SND1: variants seen among roughly 807,000 people sequenced by gnomAD.
SND1 encodes the protein staphylococcal nuclease domain-containing protein 1.
A neutral mutation model predicts 121.7 loss-of-function variants in SND1; 38 were observed. The ratio of observed to expected loss-of-function variants is 0.31; its 90% CI spans 0.24 to 0.41. SND1 has a LOEUF of 0.41. Among genes scored for constraint, SND1 ranks in the 10% least tolerant of loss-of-function variants. SND1 has a pLI of 1.00. For synonymous variants in SND1, 401 were observed against 447.4 expected, an observed-to-expected ratio of 0.90 and a Z score of 1.31; for missense variants, 868 against 1,184.6, an observed-to-expected ratio of 0.73 and a Z score of 3.92.
In SND1 at chr7:127,944,391, C is replaced by T. The variant is rs566595878; in HGVS notation, c.1669+15062C>T. On this transcript the variant is annotated intron_variant, in intron 15 of 23. Transcript: ENST00000354725. ...TGGCACTTGCCTGGTGATGAATGAC[C>T]GAGTCTGTGCAAAGGGACTCTGTAT... 1.1e-4 allele frequency among the ~76,000 whole-genome samples: 16 copies of T among 152,258 alleles called. No individual in the cohort carries two copies. In the South Asian group the frequency reaches 3.3e-3, roughly 32 times the overall value.
chr7:127,864,153 C>A (rs1220472969), intron 12 of SND1, among the ~76,000 whole-genome samples: 2 of 151,014 alleles, frequency 1.3e-5, no homozygotes, highest in Admixed American at 1.3e-4. Flanking sequence ...TAAGAAACTT[C>A]TCCCATTTTT....
At chr7:127,784,315 G>A (rs950566050) in intron 10 of SND1, among the ~76,000 whole-genome samples, 1 of 152,126 alleles carries the variant, frequency 6.6e-6, no homozygotes, top group African/African-American at 2.4e-5. Flanking sequence ...AACAAAGCGA[G>A]GCCCTTGCTA....
chr7:127,787,658 C>T (rs936402735), intron 10 of SND1, among the ~76,000 whole-genome samples: 4 of 152,216 alleles, frequency 2.6e-5, no homozygotes, highest in African/African-American at 9.6e-5. Context: ...CCTTTTCCTT[C>T]TCTCTCTGTT....
chr7:127,833,592 G>A (rs1392047794), intron 11 of SND1, among the ~76,000 whole-genome samples: 1 of 152,106 alleles, frequency 6.6e-6, no homozygotes, highest in Non-Finnish European at 1.5e-5. Context: ...GTAACCAGTA[G>A]ATTCAGGAGT....
chr7:127,779,397 A>G (rs1469707540), intron 10 of SND1, among the ~76,000 whole-genome samples: 1 of 152,158 alleles, frequency 6.6e-6, no homozygotes, highest in Non-Finnish European at 1.5e-5. Context: ...AGTTATATGT[A>G]TGGCTGCTAC....
chr7:128,017,380 GC>G (rs1240958412), intron 16 of SND1, among the ~76,000 whole-genome samples: 1 of 152,202 alleles, frequency 6.6e-6, no homozygotes, highest in Non-Finnish European at 1.5e-5. Context: ...ACATGAGGGG[GC>G]TACGTAAGTA....
Position 127,887,985 on chromosome 7 carries a change from A to T in SND1, c.1427A>T (p.Tyr476Phe), listed in dbSNP as rs542618933. 1 of 1,611,868 alleles carries T rather than the reference A, an allele frequency of 6.2e-7. No individual in the cohort carries two copies. The highest frequency in any genetic ancestry group is 1.1e-5 in the South Asian group (1 of 91,024). Residue 476 changes from tyrosine to phenylalanine, a missense_variant, in exon 13 of 24, where the codon TAC becomes TTC. Coordinates refer to ENST00000354725, the MANE Select transcript of SND1 (RefSeq NM_014390.4). The stretch of plus-strand genomic sequence containing the variant: ...GATGATGACCAGAGATCATCACACT[A>T]CGATGAACTGCTTGCTGCAGAGGCC... Reference protein sequence around the residue: ...RQDDDQRSSHYDELLAAEARA... With the variant: ...RQDDDQRSSHFDELLAAEARA...
chr7:127,669,365 A>T (rs1795475151), intron 1 of SND1, among the ~76,000 whole-genome samples: 1 of 152,206 alleles, frequency 6.6e-6, no homozygotes, highest in South Asian at 2.1e-4. Flanking sequence ...ACTCATTTCT[A>T]ACCACTCAAT....
intron 16 of SND1, among the ~76,000 whole-genome samples, chr7:128,045,911 A>G (rs950121601): frequency 1.3e-5 from 2 of 152,202 alleles, no homozygotes; most frequent in South Asian, 2.1e-4. Flanking sequence ...CCTTTTTAAA[A>G]GTTTAAAAAG....
chr7:127,908,110 T>C (rs137871809), intron 14 of SND1, among the ~76,000 whole-genome samples: 45 of 152,212 alleles, frequency 3.0e-4, no homozygotes, highest in African/African-American at 1.0e-3. Flanking sequence ...CATCTGCATA[T>C]AACACCAACT....
At chr7:127,940,762 G>T (rs1034826888) in intron 15 of SND1, among the ~76,000 whole-genome samples, 6 of 152,220 alleles carry the variant, frequency 3.9e-5, no homozygotes, top group Non-Finnish European at 7.3e-5. Context: ...AGATGGGCTG[G>T]ATCTGTTAGA....
intron 16 of SND1, among the ~76,000 whole-genome samples, chr7:128,009,050 G>A (rs1440025989): frequency 6.6e-6 from 1 of 152,164 alleles, no homozygotes; most frequent in Non-Finnish European, 1.5e-5. Context: ...TTTTTATGGT[G>A]CAATGACAGC....
chr7:127,940,086 C>T (rs965754802), intron 15 of SND1, among the ~76,000 whole-genome samples: 3 of 152,160 alleles, frequency 2.0e-5, no homozygotes, highest in Non-Finnish European at 4.4e-5. Context: ...CTCCTTCCCT[C>T]CTACTTTAAA....
intron 10 of SND1, among the ~76,000 whole-genome samples, chr7:127,777,791 C>G (rs1797648309): frequency 1.3e-5 from 2 of 152,054 alleles, no homozygotes; most frequent in Middle Eastern, 3.2e-3. Flanking sequence ...TTTTTTTTGC[C>G]TTAGCCTCTT....
At position 127,729,439 on chromosome 7, in the gene SND1, CTTTT is replaced by C. The variant is rs10712716; in HGVS notation, c.1152+8059_1152+8062del. 4.1e-5 allele frequency among the ~76,000 whole-genome samples: 4 copies of C among 97,328 alleles called. No individual in the cohort carries two copies. In the East Asian group the frequency reaches 8.6e-4, roughly 21 times the overall value. The allele number at this position is 97,328 out of a possible 152,430, so 63.9% of individuals were successfully genotyped here. On this transcript the variant is annotated intron_variant, in intron 10 of 23. Coordinates refer to ENST00000354725, the MANE Select transcript of SND1 (RefSeq NM_014390.4). ...ACCTACACTGTGTTTAGATAAATTA[CTTTT>C]TTTTTTTTTTTTTTTTTTTACATAA...
chr7:127,910,171 G>A (rs1800424688), intron 14 of SND1, among the ~76,000 whole-genome samples: 1 of 152,178 alleles, frequency 6.6e-6, no homozygotes, highest in African/African-American at 2.4e-5. Flanking sequence ...CAGGCACGGT[G>A]GCTCACGCCT....
intron 14 of SND1, among the ~76,000 whole-genome samples, chr7:127,916,010 GTGTGTGT>G (rs1199581099): frequency 7.4e-6 from 1 of 134,718 alleles, no homozygotes; most frequent in Non-Finnish European, 1.5e-5. Flanking sequence ...GTGTGTGTGT[GTGTGTGT>G]GTGTGTGTGT....
chr7:127,923,210 C>A (rs1048412227), intron 14 of SND1, among the ~76,000 whole-genome samples: 18 of 152,296 alleles, frequency 1.2e-4, no homozygotes, highest in African/African-American at 3.6e-4. Flanking sequence ...ATGTGATACT[C>A]CCATCTCAGC....
intron 12 of SND1, chr7:127,858,323 T>C: frequency 8.2e-7 from 1 of 1,212,672 alleles, no homozygotes; most frequent in South Asian, 1.3e-5. Flanking sequence ...GCTGCTCCCT[T>C]TGCCTCCTCC....
Sources: gnomAD v4.1 joint callset for allele counts (sites outside exome capture counted in the v4.1 genomes callset) on GRCh38, gnomAD v4.1.1 for gene constraint, MANE v1.5 for transcripts, NCBI Gene and HGNC (gene_info 2026-07-23, HGNC 2026-07-21) for gene names.